Variants in AGBL4 observed in about 807,000 individuals in gnomAD.
AGBL4 encodes AGBL carboxypeptidase 4.
AGBL4 carries 58 observed loss-of-function variants against 66.4 expected under a neutral mutation model. The ratio of observed to expected loss-of-function variants is 0.87; its 90% confidence interval spans 0.71 to 1.09. The LOEUF is 1.09. Among genes scored for constraint, AGBL4 ranks in the 50% least tolerant of loss-of-function variants. AGBL4 has a pLI of 0.00. For missense variants in AGBL4, 579 were observed against 631.0 expected (o/e 0.92, Z 0.88); for synonymous variants, 234 against 222.9 (o/e 1.05, Z -0.44).
intron 1 of AGBL4, among the ~76,000 whole-genome samples, chr1:49,953,260 C>G (rs955388395): frequency 6.6e-6 from 1 of 151,860 alleles, no homozygotes; most frequent in African/African-American, 2.4e-5. Flanking sequence ...TTGATCATAT[C>G]ATTTCCTAAT....
intron 6 of AGBL4, among the ~76,000 whole-genome samples, chr1:48,679,920 G>A (rs1646428083): frequency 6.6e-6 from 1 of 152,232 alleles, no homozygotes; most frequent in African/African-American, 2.4e-5. Context: ...AGTAACTGCT[G>A]TCCTCTGTGT....
At chr1:49,974,519 C>A (rs1312206569) in intron 1 of AGBL4, among the ~76,000 whole-genome samples, 1 of 152,106 alleles carries the variant, frequency 6.6e-6, no homozygotes, top group Admixed American at 6.6e-5. Flanking sequence ...GTGACAAGAG[C>A]AGTGTGTATT....
chr1:48,744,528 G>C (rs889602465), intron 6 of AGBL4, among the ~76,000 whole-genome samples: 2 of 152,102 alleles, frequency 1.3e-5, no homozygotes, highest in African/African-American at 4.8e-5. Context: ...CTGAAAAGAG[G>C]AGGTCCATGA....
At chr1:49,845,075 A>G in intron 2 of AGBL4, 2 of 1,449,624 alleles carry the variant, frequency 1.4e-6, no homozygotes, top group Non-Finnish European at 1.9e-6. Context: ...GAGAAACCCT[A>G]CAAATGTCAG....
chr1:48,590,025 A>G (rs186855560), intron 10 of AGBL4, among the ~76,000 whole-genome samples: 170 of 152,310 alleles, frequency 1.1e-3, no homozygotes, highest in Non-Finnish European at 1.9e-3. Context: ...AAGCAGGTGG[A>G]TCACTTGAGC....
At chr1:49,749,768 G>A (rs1361340512) in intron 2 of AGBL4, among the ~76,000 whole-genome samples, 2 of 152,058 alleles carry the variant, frequency 1.3e-5, no homozygotes, top group Non-Finnish European at 2.9e-5. Flanking sequence ...ACTTTAAAAT[G>A]GTAGTTCTCC....
At chr1:49,361,368 C>T (rs1284691631) in intron 3 of AGBL4, among the ~76,000 whole-genome samples, 4 of 152,100 alleles carry the variant, frequency 2.6e-5, no homozygotes, top group African/African-American at 9.7e-5. Flanking sequence ...TTTATGTAGC[C>T]CAGGCTGGAG....
chr1:49,259,273 T>A (rs373971622), intron 3 of AGBL4, among the ~76,000 whole-genome samples: 8 of 151,510 alleles, frequency 5.3e-5, no homozygotes, highest in Non-Finnish European at 2.9e-5. Context: ...ACCAGCTAAC[T>A]TCATAATGAC....
At chr1:49,669,483 C>A (rs1646433704) in intron 3 of AGBL4, among the ~76,000 whole-genome samples, 1 of 152,110 alleles carries the variant, frequency 6.6e-6, no homozygotes, top group African/African-American at 2.4e-5. Flanking sequence ...TGTCCCACAA[C>A]CCAAAAATAT....
intron 3 of AGBL4, among the ~76,000 whole-genome samples, chr1:49,629,907 T>A (rs1645538318): frequency 6.6e-6 from 1 of 152,182 alleles, no homozygotes; most frequent in Non-Finnish European, 1.5e-5. Context: ...CCATTCTCCA[T>A]TCTTGCCTCT....
rs1055406636 is a variant in AGBL4, at chr1:48,976,344, G to A, written c.594+69240C>T. Among the ~76,000 whole-genome samples the A allele has an allele frequency of 2.0e-5, 3 of 152,016 alleles. 1 individual carries two copies. The highest frequency in any genetic ancestry group is 4.4e-5 in the Non-Finnish European group (3 of 67,994). On this transcript the variant is annotated intron_variant, in intron 5 of 13. Transcript: ENST00000371839. The stretch of plus-strand genomic sequence containing the variant: ...ACAACTTGGACTTTTCCTGAATATC[G>A]AATCTGTCAGTAGCAGAGACCAATA...
At position 48,799,838 on chromosome 1, in the gene AGBL4, G is replaced by C. The variant is rs1235452245; in HGVS notation, c.634+67353C>G. Among the ~76,000 whole-genome samples the C allele has an allele frequency of 2.0e-5, 3 of 152,066 alleles. No homozygotes were observed. In the East Asian group the frequency reaches 5.8e-4, roughly 29 times the overall value. On this transcript the variant is annotated intron_variant, in intron 6 of 13. Coordinates refer to ENST00000371839, the MANE Select transcript of AGBL4 (RefSeq NM_032785.4). The stretch of plus-strand genomic sequence containing the variant: ...TATGTTAAACTATCCCCACATCCCT[G>C]GTATGAAACCTACTTGACCATGATG...
chr1:49,879,298 C>T (rs1647135805), intron 1 of AGBL4, among the ~76,000 whole-genome samples: 1 of 151,112 alleles, frequency 6.6e-6, no homozygotes. Context: ...GTGGCTGGTA[C>T]CGGTTGTTTC....
At chr1:49,039,658 G>A (rs528600859) in intron 5 of AGBL4, among the ~76,000 whole-genome samples, 1 of 152,054 alleles carries the variant, frequency 6.6e-6, no homozygotes, top group South Asian at 2.1e-4. Context: ...AATGAACTTC[G>A]GCCCTTACTT....
chr1:48,709,368 T>C lies in AGBL4; in HGVS notation c.635-46127A>G, dbSNP rs538672899. Among the ~76,000 whole-genome samples the C allele has an allele frequency of 2.7e-4, 41 of 152,302 alleles. 1 individual carries two copies. In the South Asian group the frequency reaches 8.1e-3, roughly 30 times the overall value. On this transcript the variant is annotated intron_variant, in intron 6 of 13. Transcript: ENST00000371839. ...AGAATGTCATATTTATGTGTACATATCTTGTGAGTGTGTGTATACAACAGA... is the reference window on the plus strand; with the variant it reads ...AGAATGTCATATTTATGTGTACATACCTTGTGAGTGTGTGTATACAACAGA...
intron 6 of AGBL4, among the ~76,000 whole-genome samples, chr1:48,706,707 G>A (rs1173929171): frequency 6.6e-6 from 1 of 152,158 alleles, no homozygotes; most frequent in Non-Finnish European, 1.5e-5. Context: ...AAATCCAAGA[G>A]CTAACTCCAT....
intron 5 of AGBL4, among the ~76,000 whole-genome samples, chr1:48,927,831 A>G (rs776017616): frequency 6.6e-6 from 1 of 152,174 alleles, no homozygotes; most frequent in Non-Finnish European, 1.5e-5. Context: ...CCCAAAGTCT[A>G]TGGTATTCCC....
intron 4 of AGBL4, among the ~76,000 whole-genome samples, chr1:49,086,320 C>T (rs777709520): frequency 3.9e-5 from 6 of 152,080 alleles, no homozygotes; most frequent in Non-Finnish European, 8.8e-5. Flanking sequence ...TCCAGTCCAG[C>T]GGTCTTACTT....
chr1:48,804,073 G>A (rs1645868572), intron 6 of AGBL4, among the ~76,000 whole-genome samples: 2 of 152,150 alleles, frequency 1.3e-5, no homozygotes, highest in Non-Finnish European at 2.9e-5. Context: ...TCCTGGCCCA[G>A]AGTAGAAGCT....
Sources: allele counts gnomAD v4.1 joint callset (sites outside exome capture counted in the v4.1 genomes callset), GRCh38; gene constraint gnomAD v4.1.1; transcripts MANE v1.5; gene names NCBI Gene and HGNC (gene_info 2026-07-23, HGNC 2026-07-21).